Variants in MLLT10 observed in about 807,000 individuals in gnomAD.
MLLT10 encodes the protein protein AF-10.
In MLLT10, 30 loss-of-function variants were observed where a neutral mutation model predicts 129.1. That is an observed-to-expected ratio of 0.23 (90% CI 0.17 to 0.32). MLLT10 has a LOEUF of 0.32. MLLT10 is among the 10% of genes least tolerant of loss of function. MLLT10 has a pLI of 1.00. For synonymous variants in MLLT10, 490 were observed against 446.4 expected (o/e 1.10, Z -1.23); for missense variants, 1,119 against 1,268.3 (o/e 0.88, Z 1.79).
At chr10:21,669,943 C>G (rs1222396017) in intron 9 of MLLT10, among the ~76,000 whole-genome samples, 1 of 151,714 alleles carries the variant, frequency 6.6e-6, no homozygotes, top group Non-Finnish European at 1.5e-5. Context: ...GCAAAGGGGC[C>G]CTCACCTGGT....
chr10:21,599,427 A>G (rs1589159706), intron 5 of MLLT10, among the ~76,000 whole-genome samples: 1 of 152,326 alleles, frequency 6.6e-6, no homozygotes, highest in South Asian at 2.1e-4. Flanking sequence ...CTATTACTGT[A>G]TCCATCTCTA....
chr10:21,639,020 C>T (rs2047724784), intron 8 of MLLT10, among the ~76,000 whole-genome samples: 2 of 152,192 alleles, frequency 1.3e-5, no homozygotes, highest in Non-Finnish European at 2.9e-5. Flanking sequence ...TACAATTTTT[C>T]ATTTTTCGAC....
At chr10:21,560,206 T>C (rs1031717823) in intron 3 of MLLT10, among the ~76,000 whole-genome samples, 3 of 152,136 alleles carry the variant, frequency 2.0e-5, no homozygotes, top group African/African-American at 7.2e-5. Flanking sequence ...GGTTTCTCCA[T>C]GTTGGTCAGG....
chr10:21,609,288 G>A lies in MLLT10; in HGVS notation c.406-3060G>A, dbSNP rs544944510. 2.4e-4 allele frequency among the ~76,000 whole-genome samples: 36 copies of A among 152,286 alleles called. 1 individual carries two copies. The South Asian group carries it at 5.4e-3, about 23-fold the overall frequency. On this transcript the variant is annotated intron_variant, in intron 5 of 22. Coordinates refer to ENST00000307729, the MANE Select transcript of MLLT10 (RefSeq NM_001195626.3). ...ACACTATTTTCCAAGGATATCAGAG[G>A]TTATTTTCCAATCATTTCTTAGAGG...
chr10:21,571,265 G>A (rs1218018282), intron 3 of MLLT10, among the ~76,000 whole-genome samples: 1 of 152,182 alleles, frequency 6.6e-6, no homozygotes, highest in African/African-American at 2.4e-5. Context: ...TGCAAGTGCT[G>A]ATTTGTCATT....
At chr10:21,584,167 CTT>C (rs1307789215) in intron 3 of MLLT10, among the ~76,000 whole-genome samples, 13 of 131,224 alleles carry the variant, frequency 9.9e-5, no homozygotes, top group Admixed American at 1.6e-4. Flanking sequence ...CGCGCCCAGC[CTT>C]TTTTTTTTTT....
chr10:21,618,375 T>G (rs981658509), intron 8 of MLLT10, among the ~76,000 whole-genome samples: 3 of 151,554 alleles, frequency 2.0e-5, no homozygotes, highest in Admixed American at 6.6e-5. Flanking sequence ...TGGTGGTGGT[T>G]GTTTGTAATC....
At chr10:21,613,117 C>A (rs1315972733) in intron 6 of MLLT10, among the ~76,000 whole-genome samples, 3 of 145,752 alleles carry the variant, frequency 2.1e-5, no homozygotes, top group Non-Finnish European at 4.4e-5. Context: ...TCGCTTAAAC[C>A]TGGGAGGTGG....
Position 21,743,615 on chromosome 10 carries a change from TTAA to T in MLLT10, c.*1637_*1639del, listed in dbSNP as rs1833927387. The T allele has an allele frequency of 1.7e-5, 3 of 171,844 alleles. No individual in the cohort carries two copies. In the East Asian group the frequency reaches 3.3e-4, roughly 19 times the overall value. The allele number at this position is 171,844 out of a possible 1,614,324, so 10.6% of individuals were successfully genotyped here. On this transcript the variant is annotated 3_prime_UTR_variant, in exon 23 of 23. Transcript: ENST00000307729. The stretch of plus-strand genomic sequence containing the variant: ...GTACAAAATGTTTTGTTAATAAAAT[TTAA>T]TAATGTTTATAACTCCGTGCCATTC...
At chr10:21,619,934 C>CTTTTTTTTT (rs59738804) in intron 8 of MLLT10, among the ~76,000 whole-genome samples, 1 of 136,258 alleles carries the variant, frequency 7.3e-6, no homozygotes, top group Non-Finnish European at 1.6e-5. Flanking sequence ...TTTTTCTTTT[C>CTTTTTTTTT]TTTTTTTTTT....
In MLLT10 at chr10:21,639,160, A is replaced by C. The variant is rs142574151; in HGVS notation, c.700-12513A>C. ...ACTATGAAAGAGGTGGAATAGAAAAAACAAACAGTTTCTCCTGCTGTAATC... is the reference window on the plus strand; with the variant it reads ...ACTATGAAAGAGGTGGAATAGAAAACACAAACAGTTTCTCCTGCTGTAATC... On this transcript the variant is annotated intron_variant, in intron 8 of 22. Coordinates refer to ENST00000307729, the MANE Select transcript of MLLT10 (RefSeq NM_001195626.3). Among the ~76,000 whole-genome samples the C allele has an allele frequency of 4.9e-4, 75 of 152,304 alleles. 1 individual carries two copies. Among genetic ancestry groups the C allele is most frequent in the African/African-American group, 1.8e-3 (74 of 41,550 alleles).
At chr10:21,710,399 G>A (rs996094770) in intron 13 of MLLT10, among the ~76,000 whole-genome samples, 1 of 152,198 alleles carries the variant, frequency 6.6e-6, no homozygotes, top group African/African-American at 2.4e-5. Flanking sequence ...ATAGTATCCA[G>A]TGTTGGCAAA....
intron 8 of MLLT10, among the ~76,000 whole-genome samples, chr10:21,647,708 G>A (rs752111382): frequency 3.3e-5 from 5 of 151,346 alleles, no homozygotes; most frequent in Admixed American, 2.0e-4. Flanking sequence ...GCGGGGGGCG[G>A]GGGGATTGCC....
Position 21,733,538 on chromosome 10 carries a change from C to A in MLLT10, c.2442C>A (p.Ser814Arg). 6.4e-7 allele frequency: 1 copy of A among 1,572,292 alleles called. No homozygotes were observed. Reference protein sequence around the residue: ...PTTDSLNSSKSPHIGNSFLPD... With the variant: ...PTTDSLNSSKRPHIGNSFLPD... Reference sequence around the variant, plus strand: ...CTGATTCCTTGAACAGCAGTAAGAGCCCTCATATAGGAAACAGCTTTTTAC... The same window carrying A: ...CTGATTCCTTGAACAGCAGTAAGAGACCTCATATAGGAAACAGCTTTTTAC... Residue 814 changes from serine (S) to arginine (R), a missense_variant, in exon 19 of 23, where the codon AGC (serine) becomes AGA (arginine). Coordinates refer to ENST00000307729, the MANE Select transcript of MLLT10 (RefSeq NM_001195626.3).
intron 8 of MLLT10, chr10:21,624,543 A>G (rs2046234176): frequency 1.8e-6 from 2 of 1,140,620 alleles, no homozygotes; most frequent in Non-Finnish European, 2.4e-6. Context: ...ATGTAGATCT[A>G]GAGCCAGTCG....
intron 9 of MLLT10, among the ~76,000 whole-genome samples, chr10:21,653,500 C>T (rs1197271740): frequency 5.3e-5 from 8 of 152,058 alleles, no homozygotes; most frequent in Non-Finnish European, 7.4e-5. Context: ...TTTTTTTTTG[C>T]ATCTCTTTTG....
At chr10:21,725,752 CT>C (rs554724721) in intron 14 of MLLT10, among the ~76,000 whole-genome samples, 173 of 131,302 alleles carry the variant, frequency 1.3e-3, no homozygotes, top group African/African-American at 2.5e-3. Flanking sequence ...AGTTACGTAA[CT>C]TTTTTTTTTT....
At chr10:21,550,019 C>T (rs751176452) in intron 3 of MLLT10, among the ~76,000 whole-genome samples, 1 of 152,168 alleles carries the variant, frequency 6.6e-6, no homozygotes, top group South Asian at 2.1e-4. Flanking sequence ...TTAATTGTTA[C>T]TGAGCCTGCA....
chr10:21,739,559 C>CA (rs2058662065), intron 21 of MLLT10, among the ~76,000 whole-genome samples: 1 of 152,144 alleles, frequency 6.6e-6, no homozygotes, highest in South Asian at 2.1e-4. Context: ...TTTCAAGCAC[C>CA]AAAAGCAGTG....
Sources: gnomAD v4.1 joint callset for allele counts (sites outside exome capture counted in the v4.1 genomes callset) on GRCh38, gnomAD v4.1.1 for gene constraint, MANE v1.5 for transcripts, NCBI Gene and HGNC (gene_info 2026-07-23, HGNC 2026-07-21) for gene names.